Variants in PXDN observed in about 807,000 individuals in gnomAD.
PXDN encodes peroxidasin homolog.
Under a neutral mutation model 140.3 loss-of-function variants are expected in PXDN, and 77 were observed. The observed-to-expected ratio is 0.55, with a 90% CI of 0.46 to 0.66. PXDN has a LOEUF of 0.66. Among genes scored for constraint, PXDN ranks in the 30% least tolerant of loss-of-function variants. PXDN has a pLI of 0.00. For missense variants in PXDN, 1,838 were observed against 2,039.5 expected (o/e 0.90, Z 1.90); for synonymous variants, 911 against 857.4 (o/e 1.06, Z -1.09).
chr2:1,717,281 A>G (rs1213208061), intron 1 of PXDN, among the ~76,000 whole-genome samples: 1 of 152,124 alleles, frequency 6.6e-6, no homozygotes. Context: ...TGGCTGGTGG[A>G]AAGTCTGACG....
At chr2:1,729,880 A>C (rs1384932257) in intron 1 of PXDN, among the ~76,000 whole-genome samples, 1 of 152,246 alleles carries the variant, frequency 6.6e-6, no homozygotes, top group Non-Finnish European at 1.5e-5. Flanking sequence ...TGGTCATTTC[A>C]AACAAATACT....
At chr2:1,692,522 C>A (rs1474850665) in intron 2 of PXDN, 2 of 471,698 alleles carry the variant, frequency 4.2e-6, no homozygotes, top group Non-Finnish European at 8.8e-6. Context: ...CATGACCCTG[C>A]TCTTACACCG....
At chr2:1,665,837 C>T (rs1257110829) in intron 10 of PXDN, among the ~76,000 whole-genome samples, 1 of 152,200 alleles carries the variant, frequency 6.6e-6, no homozygotes, top group Non-Finnish European at 1.5e-5. Flanking sequence ...CCAAAACTGA[C>T]CTTAGGGAAG....
At position 1,651,449 on chromosome 2, in the gene PXDN, C is replaced by T. The variant is rs1007817110; in HGVS notation, c.2105-1774G>A. Among the ~76,000 whole-genome samples the T allele has an allele frequency of 2.6e-5, 4 of 152,212 alleles. No individual in the cohort carries two copies. Among genetic ancestry groups the T allele is most frequent in the Non-Finnish European group, 5.9e-5 (4 of 68,036 alleles). On this transcript the variant is annotated intron_variant, in intron 16 of 22. Transcript: ENST00000252804. This position sits in a 1 kb window ranked among gnomAD's most constrained non-coding sequence, Gnocchi z 4.4. Reference sequence around the variant, plus strand: ...CCCAGCCCGATGCTTGAAAATGCATCAAACCATGTTGCTTCTCTGCAGGAA... The same window carrying T: ...CCCAGCCCGATGCTTGAAAATGCATTAAACCATGTTGCTTCTCTGCAGGAA...
rs1336961796 is a variant in PXDN at position 1,639,582 on chromosome 2, C to G, written c.3953-160G>C. Among the ~76,000 whole-genome samples, 1 of 152,200 alleles carries G rather than the reference C, an allele frequency of 6.6e-6. No homozygotes were observed. The highest frequency in any genetic ancestry group is 2.4e-5 in the African/African-American group (1 of 41,450). On this transcript the variant is annotated intron_variant, in intron 19 of 22. Transcript: ENST00000252804. This position sits in a 1 kb window ranked among gnomAD's most constrained non-coding sequence, Gnocchi z 5.0. ...TGGCAGCTGGTCTGCGGCTCTTACC[C>G]TCTCCTGGTCTGAGGGGCCAAGCCT...
In PXDN at chr2:1,639,515, C is replaced by A; in HGVS notation, c.3953-93G>T. 1 of 1,572,156 alleles carries A rather than the reference C, an allele frequency of 6.4e-7. No individual in the cohort carries two copies. The highest frequency in any genetic ancestry group is 1.7e-5 in the Admixed American group (1 of 58,362). On this transcript the variant is annotated intron_variant, in intron 19 of 22. Transcript: ENST00000252804. The surrounding 1 kb of genome is among the most constrained non-coding windows in gnomAD (Gnocchi z 5.0). ...CTGCCAACTATGAAGTCTTCACTGG[C>A]TGCCCGTGGAACAAACTGTGGCACA... is the stretch of plus-strand genomic sequence containing the variant.
intron 8 of PXDN, among the ~76,000 whole-genome samples, chr2:1,675,721 C>G (rs896020901): frequency 6.7e-6 from 1 of 149,272 alleles, no homozygotes; most frequent in Non-Finnish European, 1.5e-5. Context: ...CCACCTTGCC[C>G]GAGAGCCAAG....
chr2:1,688,059 G>A (rs929671184), intron 3 of PXDN, among the ~76,000 whole-genome samples: 2 of 152,188 alleles, frequency 1.3e-5, no homozygotes, highest in African/African-American at 4.8e-5. Context: ...TGCATTGGCT[G>A]TAAGATTCTA....
intron 1 of PXDN, among the ~76,000 whole-genome samples, chr2:1,737,107 G>A (rs1447683654): frequency 3.3e-5 from 5 of 152,174 alleles, no homozygotes; most frequent in Admixed American, 2.6e-4. Context: ...CTGGACAGGA[G>A]CAGGGCATGA....
chr2:1,669,146 T>C (rs560397991), intron 9 of PXDN, among the ~76,000 whole-genome samples: 47 of 152,194 alleles, frequency 3.1e-4, no homozygotes, highest in Admixed American at 1.5e-3. Flanking sequence ...TCATGTCCTT[T>C]GCAGGAACAT....
chr2:1,740,845 G>A (rs1685526832), intron 1 of PXDN, among the ~76,000 whole-genome samples: 1 of 152,210 alleles, frequency 6.6e-6, no homozygotes, highest in African/African-American at 2.4e-5. Context: ...GCAGCTGTCT[G>A]GAGATTCTGC....
chr2:1,648,630 G>A lies in PXDN; in HGVS notation c.3150C>T (p.Tyr1050=). ...GEVGMRTLGE[Y]HGYDPGINAG... The stretch of plus-strand genomic sequence containing the variant: ...CATTGATGCCGGGGTCGTAGCCGTG[G>A]TACTCTCCCAGCGTCCTCATGCCCA... Residue 1050 remains tyrosine, a synonymous_variant, in exon 17 of 23, where the codon TAC becomes TAT. Transcript: ENST00000252804. This position sits in a 1 kb window ranked among gnomAD's most constrained non-coding sequence, Gnocchi z 8.9. 1 of 1,611,454 alleles carries A rather than the reference G, an allele frequency of 6.2e-7. No individual in the cohort carries two copies. The highest frequency in any genetic ancestry group is 8.5e-7 in the Non-Finnish European group (1 of 1,179,198).
intron 21 of PXDN, 29 bp from the exon 22 acceptor site, chr2:1,635,550 T>C (rs530331062): frequency 7.7e-5 from 116 of 1,498,474 alleles, no homozygotes; most frequent in African/African-American, 2.5e-4. Context: ...CATTCATTCA[T>C]TGGGCACTTC....
chr2:1,694,738 G>A (rs1360070127), intron 1 of PXDN, among the ~76,000 whole-genome samples: 2 of 152,220 alleles, frequency 1.3e-5, no homozygotes, highest in African/African-American at 2.4e-5. Context: ...AAAGTCAGAA[G>A]CATCGAAACT....
At position 1,654,438 on chromosome 2, in the gene PXDN, G is replaced by A. The variant is rs1274371117; in HGVS notation, c.1908C>T (p.Asp636=). ...TSIVEAIATV[D]RAINSTRTHL... Reference sequence around the variant, plus strand: ...GTGTTCGGGTTGAGTTTATAGCTCTGTCAACAGTCGCAATCGCTTCCACGA... The same window carrying A: ...GTGTTCGGGTTGAGTTTATAGCTCTATCAACAGTCGCAATCGCTTCCACGA... The change falls in exon 15 of 23, where the codon GAC becomes GAT. Residue 636 remains aspartate (D), a synonymous_variant. Coordinates refer to ENST00000252804, the MANE Select transcript of PXDN (RefSeq NM_012293.3). 1 of 1,613,824 alleles carries A rather than the reference G, an allele frequency of 6.2e-7. No homozygotes were observed. The highest frequency in any genetic ancestry group is 2.2e-5 in the East Asian group (1 of 44,876).
intron 13 of PXDN, 54 bp from the exon 14 acceptor site, chr2:1,661,091 T>C: frequency 6.2e-7 from 1 of 1,601,064 alleles, no homozygotes; most frequent in Non-Finnish European, 8.5e-7. Flanking sequence ...GAAGCAGAAG[T>C]TATCTGACCT....
rs567301918 is a variant in PXDN, at chr2:1,702,299, C to T, written c.201-9165G>A. Among the ~76,000 whole-genome samples the T allele has an allele frequency of 2.6e-5, 4 of 152,212 alleles. No homozygotes were observed. In the South Asian group the frequency reaches 8.3e-4, roughly 32 times the overall value. On this transcript the variant is annotated intron_variant, in intron 1 of 22. Transcript: ENST00000252804. ...CATCCTCTCCCCCTGCCAGGTGCCA[C>T]CCCCCCAACCCCGGCACAGTGTCCC...
intron 14 of PXDN, among the ~76,000 whole-genome samples, chr2:1,656,824 G>A (rs1363197807): frequency 6.8e-6 from 1 of 147,622 alleles, no homozygotes; most frequent in Non-Finnish European, 1.5e-5. Flanking sequence ...TTTGGACAGG[G>A]ACCGAAACCT....
chr2:1,723,354 A>T (rs1685097700), intron 1 of PXDN, among the ~76,000 whole-genome samples: 1 of 152,096 alleles, frequency 6.6e-6, no homozygotes, highest in South Asian at 2.1e-4. Flanking sequence ...GTGGTTATGG[A>T]TGAATGGAAA....
Sources: gnomAD v4.1 joint callset for allele counts (sites outside exome capture counted in the v4.1 genomes callset) on GRCh38, gnomAD v4.1.1 for gene constraint, Gnocchi (gnomAD v3.1) non-coding constraint, MANE v1.5 for transcripts, NCBI Gene and HGNC (gene_info 2026-07-23, HGNC 2026-07-21) for gene names.